The following RAI1 variants were observed in gnomAD, a reference collection of about 807,000 sequenced individuals.
The protein encoded by RAI1 is retinoic acid-induced protein 1.
RAI1 carries 9 observed loss-of-function variants against 123.8 expected under a neutral mutation model. The observed-to-expected ratio is 0.07, with a 90% CI of 0.04 to 0.13. The LOEUF is 0.13. RAI1 is among the 10% of genes least tolerant of loss of function. RAI1 has a pLI of 1.00. For synonymous variants in RAI1, 1,231 were observed against 1,127.3 expected (o/e 1.09, Z -1.84); for missense variants, 2,256 against 2,545.8 (o/e 0.89, Z 2.45).
chr17:17,766,527 G>T (rs1267403857), intron 2 of RAI1, among the ~76,000 whole-genome samples: 1 of 152,116 alleles, frequency 6.6e-6, no homozygotes, highest in Non-Finnish European at 1.5e-5. Flanking sequence ...GCAGGAGGTG[G>T]CTCTGCTCTG....
chr17:17,809,931 C>T lies in RAI1; in HGVS notation c.5710-39C>T. 1.9e-6 allele frequency: 3 copies of T among 1,558,328 alleles called. No homozygotes were observed. Among genetic ancestry groups the T allele is most frequent in the African/African-American group, 1.4e-5 (1 of 73,618 alleles). On this transcript the variant is annotated intron_variant, in intron 5 of 5. Transcript: ENST00000353383. The surrounding 1 kb of genome is among the most constrained non-coding windows in gnomAD (Gnocchi z 4.9). ...GGCGGGGCCTATGGACTGTGAAGTC[C>T]GAGGTCGTCGGTAACTGGCGGGCGG...
At chr17:17,754,966 G>A (rs572379186) in intron 2 of RAI1, among the ~76,000 whole-genome samples, 6 of 152,338 alleles carry the variant, frequency 3.9e-5, no homozygotes, top group East Asian at 1.9e-4. Flanking sequence ...TGTCTGGAGC[G>A]GCTTTATGAA....
chr17:17,790,597 G>A (rs1187756363), intron 2 of RAI1, among the ~76,000 whole-genome samples: 1 of 151,960 alleles, frequency 6.6e-6, no homozygotes, highest in Non-Finnish European at 1.5e-5. Flanking sequence ...AATGTTTCTG[G>A]TAATGCATTT....
chr17:17,730,845 C>T (rs187083390), intron 2 of RAI1, among the ~76,000 whole-genome samples: 34 of 152,330 alleles, frequency 2.2e-4, no homozygotes, highest in African/African-American at 6.5e-4. Flanking sequence ...CCAAGTGTGG[C>T]ACGGGGCGGA....
At chr17:17,775,692 G>T (rs558987132) in intron 2 of RAI1, among the ~76,000 whole-genome samples, 173 of 152,114 alleles carry the variant, frequency 1.1e-3, no homozygotes, top group Non-Finnish European at 2.0e-3. Flanking sequence ...CTTCATCCTC[G>T]CCGTCTTTGT....
chr17:17,698,198 T>C (rs1228450666), intron 1 of RAI1, among the ~76,000 whole-genome samples: 1 of 152,184 alleles, frequency 6.6e-6, no homozygotes, highest in African/African-American at 2.4e-5. Flanking sequence ...CTCAGTTTCC[T>C]CTTCTGCTGC....
Position 17,681,708 on chromosome 17 carries a change from G to T in RAI1, c.-234G>T, listed in dbSNP as rs1271423597. 1.3e-5 allele frequency: 4 copies of T among 308,478 alleles called. No individual in the cohort carries two copies. The highest frequency in any genetic ancestry group is 2.2e-5 in the African/African-American group (1 of 44,930). 19.1% of individuals were successfully genotyped at this position (308,478 alleles called of 1,614,324 possible). A position where few individuals can be genotyped will look rare whatever the true frequency, so the allele number is the denominator to read the frequency against. ...GGCCGCGGGCCGGCCGGGCCGCCGC[G>T]CCCCGACCCCCATGGCCACCCAGGC... On this transcript the variant is annotated 5_prime_UTR_variant, in exon 1 of 6. Coordinates refer to ENST00000353383, the MANE Select transcript of RAI1 (RefSeq NM_030665.4).
intron 2 of RAI1, among the ~76,000 whole-genome samples, chr17:17,756,271 C>T (rs748168045): frequency 1.3e-5 from 2 of 149,632 alleles, no homozygotes; most frequent in African/African-American, 2.5e-5. Flanking sequence ...GATCTCGGCT[C>T]ACCGCAACCT....
At chr17:17,686,304 G>T (rs1235118622) in intron 1 of RAI1, among the ~76,000 whole-genome samples, 1 of 150,730 alleles carries the variant, frequency 6.6e-6, no homozygotes, top group East Asian at 2.0e-4. Flanking sequence ...GATGAGTGGG[G>T]TGAGGGGCTT....
intron 1 of RAI1, among the ~76,000 whole-genome samples, chr17:17,718,937 C>T (rs1915794826): frequency 1.3e-5 from 2 of 152,142 alleles, no homozygotes; most frequent in Admixed American, 1.3e-4. Context: ...TCCCACCAGC[C>T]CCACTAGCAT....
chr17:17,773,105 G>GTGGGTGGC (rs2031222277), intron 2 of RAI1, among the ~76,000 whole-genome samples: 1 of 144,776 alleles, frequency 6.9e-6, no homozygotes, highest in Admixed American at 6.9e-5. Context: ...GGGTGGGTGG[G>GTGGGTGGC]TAGGTGAATA....
At chr17:17,803,085 CAAAAAA>C (rs1167089282) in intron 3 of RAI1, among the ~76,000 whole-genome samples, 33 of 55,966 alleles carry the variant, frequency 5.9e-4, no homozygotes, top group African/African-American at 1.9e-3. Context: ...AATTCTGTCT[CAAAAAA>C]AAAAAAAAAA....
chr17:17,752,599 T>TGA (rs988409857), intron 2 of RAI1, among the ~76,000 whole-genome samples: 1 of 151,880 alleles, frequency 6.6e-6, no homozygotes, highest in Admixed American at 6.5e-5. Context: ...AGTCTGAGAG[T>TGA]GAGAGGCCTG....
rs182752580 is a variant in RAI1 at position 17,729,488 on chromosome 17, C to A, written c.-17+5329C>A. On this transcript the variant is annotated intron_variant, in intron 2 of 5. Transcript: ENST00000353383. The stretch of plus-strand genomic sequence containing the variant: ...GCCCAGCTTCTCCGAGAGGAGGAGA[C>A]CCACTGTGGCTTGGCCACACCCAGA... Among the ~76,000 whole-genome samples, 272 of 152,316 alleles carry A rather than the reference C, an allele frequency of 1.8e-3. 3 individuals carry two copies. The highest frequency in any genetic ancestry group is 6.5e-3 in the African/African-American group (269 of 41,566).
chr17:17,747,244 A>AC (rs1274215520), intron 2 of RAI1, among the ~76,000 whole-genome samples: 2 of 151,784 alleles, frequency 1.3e-5, no homozygotes, highest in East Asian at 1.9e-4. Context: ...CAGCTCACAG[A>AC]CCCCCACACG....
intron 4 of RAI1, chr17:17,804,177 G>T: frequency 2.5e-6 from 1 of 403,506 alleles, no homozygotes; most frequent in Non-Finnish European, 4.7e-6. Context: ...CAGAGAGAAA[G>T]GGGTATTGGA....
intron 4 of RAI1, among the ~76,000 whole-genome samples, chr17:17,807,565 G>A (rs79166067): frequency 0.01 from 1,556 of 152,370 alleles, 23 homozygotes; most frequent in African/African-American, 0.034. Flanking sequence ...CTGTCAGTGA[G>A]TGCCCAGGTT....
At chr17:17,804,464 G>A (rs925984996) in intron 4 of RAI1, among the ~76,000 whole-genome samples, 3 of 152,228 alleles carry the variant, frequency 2.0e-5, no homozygotes, top group Admixed American at 1.3e-4. Flanking sequence ...CAGAATGACC[G>A]TGCATGGGCT....
chr17:17,757,367 G>A (rs1003619009), intron 2 of RAI1, among the ~76,000 whole-genome samples: 8 of 152,210 alleles, frequency 5.3e-5, no homozygotes, highest in Non-Finnish European at 1.0e-4. Flanking sequence ...CCAAGCCGGG[G>A]GGCGGCAGGA....
Sources: gnomAD v4.1 joint callset for allele counts (sites outside exome capture counted in the v4.1 genomes callset) on GRCh38, gnomAD v4.1.1 for gene constraint, Gnocchi (gnomAD v3.1) non-coding constraint, MANE v1.5 for transcripts, NCBI Gene and HGNC (gene_info 2026-07-23, HGNC 2026-07-21) for gene names.